FLG: variants seen among roughly 807,000 people sequenced by gnomAD.
The protein encoded by FLG is epidermal filaggrin.
Under a neutral mutation model 3.8 loss-of-function variants are expected in FLG, and 6 were observed. The observed-to-expected ratio is 1.60, with a 90% CI of 0.87 to 3.15. The LOEUF is 3.15. FLG is among the 30% of genes most tolerant of loss of function. The pLI is 0.00. For missense variants in FLG, 7,595 were observed against 5,050.9 expected, an observed-to-expected ratio of 1.50 and a Z score of -15.27; for synonymous variants, 2,551 against 1,931.6, an observed-to-expected ratio of 1.32 and a Z score of -8.41.
chr1:152,311,502 C>T lies in FLG; in HGVS notation c.3384G>A (p.Glu1128=). Residue 1128 remains glutamate, a synonymous_variant, in exon 3 of 3, where the codon GAG becomes GAA. Coordinates refer to ENST00000368799, the MANE Select transcript of FLG (RefSeq NM_002016.2). ...IYQVSTHEQS[E]SAHGRTRTST... ...TGGTCCTGGTCCGCCCATGGGCAGACTCAGACTGTTCATGAGTGCTCACCT... is the reference window on the plus strand; with the variant it reads ...TGGTCCTGGTCCGCCCATGGGCAGATTCAGACTGTTCATGAGTGCTCACCT... 1 of 1,613,882 alleles carries T rather than the reference C, an allele frequency of 6.2e-7. No individual in the cohort carries two copies. Among genetic ancestry groups the T allele is most frequent in the Non-Finnish European group, 8.5e-7 (1 of 1,179,962 alleles).
In FLG at chr1:152,321,575, G is replaced by T. The variant is rs1652971579; in HGVS notation, c.-22+3614C>A. ...ATTTGAAAATTTAGATGACATAGAA[G>T]AAATGTCTAGAAAAACACTTGTTAC... On this transcript the variant is annotated intron_variant, in intron 1 of 2. Transcript: ENST00000368799. Among the ~76,000 whole-genome samples the T allele has an allele frequency of 2.3e-5, 3 of 131,314 alleles. No homozygotes were observed. In the Admixed American group the frequency reaches 2.4e-4, roughly 11 times the overall value. 86.1% of individuals were successfully genotyped at this position (131,314 alleles called of 152,430 possible). A position where few individuals can be genotyped will look rare whatever the true frequency, so the allele number is the denominator to read the frequency against.
rs755135288 is a variant in FLG at position 152,302,984 on chromosome 1, CT to C, written c.11901del (p.Gly3968ValfsTer5). On this transcript the variant is annotated frameshift_variant, in exon 3 of 3. Transcript: ENST00000368799. LOFTEE classifies it low-confidence loss of function (END_TRUNC). ...HYQSEGTERQ[K>X]GQSGLVWRHG... is the part of the protein sequence containing the mutation. ...TGTCTCCAAACTAAACCTGATTGACCTTTTTGCCTTTCAGTGCCCTCAGATT... is the reference window on the plus strand; with the variant it reads ...TGTCTCCAAACTAAACCTGATTGACCTTTTGCCTTTCAGTGCCCTCAGATT... The C allele has an allele frequency of 2.5e-6, 4 of 1,614,166 alleles. No homozygotes were observed. In the African/African-American group the frequency reaches 5.3e-5, roughly 22 times the overall value.
rs1028911515 is a variant in FLG at position 152,314,750 on chromosome 1, G to C, written c.139-3C>G. 1.2e-6 allele frequency: 2 copies of C among 1,613,700 alleles called. No individual in the cohort carries two copies. The highest frequency in any genetic ancestry group is 1.3e-5 in the African/African-American group (1 of 75,016). On this transcript the variant is annotated splice_region_variant and splice_polypyrimidine_tract_variant and intron_variant, in intron 2 of 2. Coordinates refer to ENST00000368799, the MANE Select transcript of FLG (RefSeq NM_002016.2). Reference sequence around the variant, plus strand: ...ACCATATCTGGGTCATCTGGATTCTGTACAGAGGGAAGTCACAGAGGGAGA... The same window carrying C: ...ACCATATCTGGGTCATCTGGATTCTCTACAGAGGGAAGTCACAGAGGGAGA...
Position 152,306,238 on chromosome 1 carries a change from C to G in FLG, c.8648G>C (p.Arg2883Thr), listed in dbSNP as rs150721646. The change falls in exon 3 of 3, where the codon AGA becomes ACA. Residue 2883 changes from arginine (R) to threonine (T), a missense_variant. Arg to Thr is a moderately conservative substitution (Grantham distance 71). Transcript: ENST00000368799. ...AVQGQSEGSR[R>T]SRRQGSSVSQ... ...CACACTGGATCCCTGGCGCCTGCTTCTCCTGGACCCCTCTGATTGTCCCTG... is the reference window on the plus strand; with the variant it reads ...CACACTGGATCCCTGGCGCCTGCTTGTCCTGGACCCCTCTGATTGTCCCTG... 6.8e-4 allele frequency: 1,090 copies of G among 1,600,830 alleles called. 44 individuals carry two copies. The African/African-American group carries it at 0.015, about 22-fold the overall frequency.
Position 152,311,445 on chromosome 1 carries a change from C to T in FLG, c.3441G>A (p.Glu1147=), listed in dbSNP as rs151318672. The stretch of plus-strand genomic sequence containing the variant: ...AGTGCCTGGAGCTGTCTCGTGCCTG[C>T]TCGTGGTGGGATCCTTGTCTTCGTC... The part of the protein sequence containing the change: ...STGRRQGSHH[E]QARDSSRHSA... Residue 1147 remains glutamate, a synonymous_variant, in exon 3 of 3, where the codon GAG becomes GAA. Coordinates refer to ENST00000368799, the MANE Select transcript of FLG (RefSeq NM_002016.2). 1.9e-6 allele frequency: 3 copies of T among 1,613,918 alleles called. No individual in the cohort carries two copies. The highest frequency in any genetic ancestry group is 3.3e-5 in the Admixed American group (2 of 60,012).
rs981177945 is a variant in FLG, at chr1:152,312,087, T to C, written c.2799A>G (p.Ser933=). The change falls in exon 3 of 3, where the codon TCA becomes TCG. Residue 933 remains serine, a synonymous_variant. Coordinates refer to ENST00000368799, the MANE Select transcript of FLG (RefSeq NM_002016.2). Reference sequence around the variant, plus strand: ...GGCGCCTGCTTGTCCTGGACCCCTCTGATTGTCCCTGGCCTGCCTGTGAGT... The same window carrying C: ...GGCGCCTGCTTGTCCTGGACCCCTCCGATTGTCCCTGGCCTGCCTGTGAGT... ...SRHSQAGQGQ[S]EGSRTSRRQG... 1.2e-6 allele frequency: 2 copies of C among 1,613,994 alleles called. No individual in the cohort carries two copies. The highest frequency in any genetic ancestry group is 1.3e-5 in the African/African-American group (1 of 74,910).
rs1652011279 is a variant in FLG, at chr1:152,306,929, T to A, written c.7957A>T (p.Arg2653Ter). 2 of 1,442,132 alleles carry A rather than the reference T, an allele frequency of 1.4e-6. No homozygotes were observed. The highest frequency in any genetic ancestry group is 1.9e-6 in the Non-Finnish European group (2 of 1,051,296). The allele number at this position is 1,442,132 out of a possible 1,614,324, so 89.3% of individuals were successfully genotyped here. Reference protein sequence around the residue: ...HEQARSSAGERHGSHHQQSAD... With the variant: ...HEQARSSAGE ...GACTGCTGGTGGTGGGATCCATGTCTTTCTCCTGCACTTGATCTTGCCTGT... is the reference window on the plus strand; with the variant it reads ...GACTGCTGGTGGTGGGATCCATGTCATTCTCCTGCACTTGATCTTGCCTGT... Residue 2653 changes from arginine to a stop codon, truncating the protein, a stop_gained, in exon 3 of 3, where the codon AGA (arginine) becomes TGA (stop). Transcript: ENST00000368799. LOFTEE classifies it low-confidence loss of function (END_TRUNC).
rs745464904 is a variant in FLG, at chr1:152,313,926, G to A, written c.960C>T (p.Asn320=). Residue 320 remains asparagine, a synonymous_variant, in exon 3 of 3, where the codon AAC becomes AAT. Transcript: ENST00000368799. ...ACTGCTCCCACGCAGATCCATGATG[G>A]TTTCTGGAAGCCGACCCAGAGTGCC... is the stretch of plus-strand genomic sequence containing the variant. ...SERHSGSASR[N]HHGSAWEQSR... 8.7e-6 allele frequency: 14 copies of A among 1,613,728 alleles called. No individual in the cohort carries two copies. The Admixed American group carries it at 1.2e-4, about 13-fold the overall frequency.
chr1:152,316,246 T>C (rs938118840), intron 1 of FLG, among the ~76,000 whole-genome samples: 1 of 152,216 alleles, frequency 6.6e-6, no homozygotes, highest in African/African-American at 2.4e-5. Context: ...AACTAAAACA[T>C]TTTTGGACCT....
In FLG at chr1:152,314,420, A is replaced by G. The variant is rs767000307; in HGVS notation, c.466T>C (p.Ser156Pro). 6.2e-7 allele frequency: 1 copy of G among 1,612,332 alleles called. No homozygotes were observed. Among genetic ancestry groups the G allele is most frequent in the African/African-American group, 1.3e-5 (1 of 74,438 alleles). Residue 156 changes from serine to proline, a missense_variant, in exon 3 of 3, where the codon TCT becomes CCT. Transcript: ENST00000368799. The part of the protein sequence containing the change: ...ETGGKRHESS[S>P]EKKERKGYSP... ...TATCCTTTTCTTTCTTTTTTTTCAG[A>G]ACTAGATTCATGCCTTTTCCCCCCT...
rs777269387 is a variant in FLG, at chr1:152,311,038, G to C, written c.3848C>G (p.Ser1283Cys). The part of the protein sequence containing the change: ...DSDSERHSDD[S>C]ERLSGSASRN... The stretch of plus-strand genomic sequence containing the variant: ...GGAAGCAGACCCAGACAACCTCTCG[G>C]AGTCGTCTGAGTGTCTCTCACTGTC... Residue 1283 changes from serine to cysteine, a missense_variant, in exon 3 of 3, where the codon TCC (serine) becomes TGC (cysteine). Physicochemically the swap from Ser to Cys is moderately radical, Grantham distance 112. Transcript: ENST00000368799. 8 of 1,613,916 alleles carry C rather than the reference G, an allele frequency of 5.0e-6. No individual in the cohort carries two copies. The South Asian group carries it at 8.8e-5, about 18-fold the overall frequency.
Position 152,313,114 on chromosome 1 carries a change from G to A in FLG, c.1772C>T (p.Ala591Val), listed in dbSNP as rs759688438. The A allele has an allele frequency of 5.0e-6, 8 of 1,613,900 alleles. No individual in the cohort carries two copies. In the East Asian group the frequency reaches 1.6e-4, roughly 31 times the overall value. The change falls in exon 3 of 3, where the codon GCT becomes GTT. Residue 591 changes from alanine (A) to valine (V), a missense_variant. Coordinates refer to ENST00000368799, the MANE Select transcript of FLG (RefSeq NM_002016.2). Reference sequence around the variant, plus strand: ...TCTAGAGCTGTCAGCCTGAGAGGAAGCTTCATGATGACGTGACCCTGAGTG... The same window carrying A: ...TCTAGAGCTGTCAGCCTGAGAGGAAACTTCATGATGACGTGACCCTGAGTG... ...TRHSGSRHHEASSQADSSRHS... is the reference protein window; with the variant it reads ...TRHSGSRHHEVSSQADSSRHS...
At position 152,311,704 on chromosome 1, in the gene FLG, C is replaced by T. The variant is rs1359542261; in HGVS notation, c.3182G>A (p.Ser1061Asn). The T allele has an allele frequency of 1.2e-6, 2 of 1,614,062 alleles. No homozygotes were observed. The highest frequency in any genetic ancestry group is 8.5e-7 in the Non-Finnish European group (1 of 1,180,032). Residue 1061 changes from serine to asparagine, a missense_variant, in exon 3 of 3, where the codon AGT becomes AAT. Ser to Asn is a conservative substitution (Grantham distance 46). Coordinates refer to ENST00000368799, the MANE Select transcript of FLG (RefSeq NM_002016.2). ...RRQASSAVRD[S>N]GHWGSSGSQA... ...ACTACCACTGGACCCCCAGTGTCCA[C>T]TGTCTCTGACTGCAGATGAAGCTTG...
In FLG at chr1:152,310,914, G is replaced by C. The variant is rs528128566; in HGVS notation, c.3972C>G (p.Asp1324Glu). ...EDRASHGHSA[D>E]SSRQSGTHHT... ...GATGAGTGCCTGATTGTCTGGAGCT[G>C]TCTGCAGAGTGCCCGTGACTGGCTC... Residue 1324 changes from aspartate (D) to glutamate (E), a missense_variant, in exon 3 of 3, where the codon GAC (aspartate) becomes GAG (glutamate). Coordinates refer to ENST00000368799, the MANE Select transcript of FLG (RefSeq NM_002016.2). 1.4e-5 allele frequency: 23 copies of C among 1,613,968 alleles called. No individual in the cohort carries two copies. Among genetic ancestry groups the C allele is most frequent in the East Asian group, 2.2e-5 (1 of 44,888 alleles).
At position 152,312,295 on chromosome 1, in the gene FLG, G is replaced by A. The variant is rs750803987; in HGVS notation, c.2591C>T (p.Ser864Phe). 5 of 1,613,520 alleles carry A rather than the reference G, an allele frequency of 3.1e-6. No individual in the cohort carries two copies. The highest frequency in any genetic ancestry group is 4.2e-6 in the Non-Finnish European group (5 of 1,179,906). The part of the protein sequence containing the change: ...GSHHEQSVDR[S>F]GHSGSHHSHT... The stretch of plus-strand genomic sequence containing the variant: ...GCTGTGATGGGACCCTGAGTGTCCA[G>A]ACCTATCTACCGATTGCTCGTGGTG... Residue 864 changes from serine (S) to phenylalanine (F), a missense_variant, in exon 3 of 3, where the codon TCT (serine) becomes TTT (phenylalanine). Coordinates refer to ENST00000368799, the MANE Select transcript of FLG (RefSeq NM_002016.2).
chr1:152,311,777 G>T lies in FLG; in HGVS notation c.3109C>A (p.His1037Asn), dbSNP rs750184802. The T allele has an allele frequency of 2.1e-4, 339 of 1,613,972 alleles. No individual in the cohort carries two copies. Among genetic ancestry groups the T allele is most frequent in the Non-Finnish European group, 2.7e-4 (315 of 1,180,014 alleles). ...SSPGERHGSR[H>N]QQSADSSRHS... ...CTGGAGCTGTCTGCTGACTGCTGGT[G>T]GCGGGATCCGTGTCTTTCTCCTGGA... Residue 1037 changes from histidine to asparagine, a missense_variant, in exon 3 of 3, where the codon CAC becomes AAC. Coordinates refer to ENST00000368799, the MANE Select transcript of FLG (RefSeq NM_002016.2).
In FLG at chr1:152,310,923, G is replaced by T; in HGVS notation, c.3963C>A (p.His1321Gln). The part of the protein sequence containing the change: ...FHQEDRASHG[H>Q]SADSSRQSGT... ...CTGATTGTCTGGAGCTGTCTGCAGA[G>T]TGCCCGTGACTGGCTCTGTCTTCTT... The change falls in exon 3 of 3, where the codon CAC becomes CAA. Residue 1321 changes from histidine (H) to glutamine (Q), a missense_variant. Physicochemically the swap from His to Gln is conservative, Grantham distance 24. Coordinates refer to ENST00000368799, the MANE Select transcript of FLG (RefSeq NM_002016.2). 1 of 1,614,020 alleles carries T rather than the reference G, an allele frequency of 6.2e-7. No individual in the cohort carries two copies. Among genetic ancestry groups the T allele is most frequent in the Non-Finnish European group, 8.5e-7 (1 of 1,179,996 alleles).
chr1:152,318,889 C>T (rs1320663227), intron 1 of FLG, among the ~76,000 whole-genome samples: 1 of 151,692 alleles, frequency 6.6e-6, no homozygotes, highest in African/African-American at 2.4e-5. Context: ...AATAAGAGTG[C>T]TATTATACAG....
chr1:152,303,274 G>A lies in FLG; in HGVS notation c.11612C>T (p.Ala3871Val), dbSNP rs1441082676. ...SSVSQDSDSE[A>V]YPEDSERRSE... ...TCGCCTCTCAGAGTCCTCTGGGTATGCCTCACTGTCACTGTCCTGGCTAAC... is the reference window on the plus strand; with the variant it reads ...TCGCCTCTCAGAGTCCTCTGGGTATACCTCACTGTCACTGTCCTGGCTAAC... The change falls in exon 3 of 3, where the codon GCA (alanine) becomes GTA (valine). Residue 3871 changes from alanine to valine, a missense_variant. Physicochemically the swap from Ala to Val is moderately conservative, Grantham distance 64. Transcript: ENST00000368799. The A allele has an allele frequency of 3.1e-6, 5 of 1,614,006 alleles. No homozygotes were observed. Among genetic ancestry groups the A allele is most frequent in the East Asian group, 2.2e-5 (1 of 44,858 alleles).
Sources: gnomAD v4.1 joint callset for allele counts (sites outside exome capture counted in the v4.1 genomes callset) on GRCh38, gnomAD v4.1.1 for gene constraint, MANE v1.5 for transcripts, NCBI Gene and HGNC (gene_info 2026-07-23, HGNC 2026-07-21) for gene names.